Variants in MTOR observed in about 807,000 individuals in gnomAD.
MTOR encodes the protein mechanistic target of rapamycin kinase.
Under a neutral mutation model 319.8 loss-of-function variants are expected in MTOR, and 70 were observed. The observed-to-expected ratio is 0.22, with a 90% CI of 0.18 to 0.27. The LOEUF (loss-of-function observed/expected upper bound fraction) is 0.27. Among genes scored for constraint, MTOR ranks in the 10% least tolerant of loss-of-function variants. MTOR has a pLI of 1.00. For missense variants in MTOR, 1,890 were observed against 3,274.4 expected (o/e 0.58, Z 10.32); for synonymous variants, 1,183 against 1,211.4 (o/e 0.98, Z 0.49).
In MTOR at chr1:11,212,489, A is replaced by T; in HGVS notation, c.3399-15T>A. On this transcript the variant is annotated splice_polypyrimidine_tract_variant and intron_variant, in intron 22 of 57. Coordinates refer to ENST00000361445, the MANE Select transcript of MTOR (RefSeq NM_004958.4). The surrounding 1 kb of genome is among the most constrained non-coding windows in gnomAD (Gnocchi z 4.1). The stretch of plus-strand genomic sequence containing the variant: ...CTAGCGCTGCCCTACAACAATCACT[A>T]ACATACAGTAACTGCTAACATACAA... 6.2e-7 allele frequency: 1 copy of T among 1,607,386 alleles called. No individual in the cohort carries two copies. Among genetic ancestry groups the T allele is most frequent in the Non-Finnish European group, 8.5e-7 (1 of 1,177,468 alleles).
chr1:11,252,728 C>T (rs1649860486), intron 6 of MTOR, among the ~76,000 whole-genome samples: 1 of 152,110 alleles, frequency 6.6e-6, no homozygotes, highest in African/African-American at 2.4e-5. Flanking sequence ...CAGGAATCCC[C>T]GGGGTAAAAT....
chr1:11,134,482 G>C lies in MTOR; in HGVS notation c.5131-16C>G, dbSNP rs1238163914. 6.2e-7 allele frequency: 1 copy of C among 1,612,368 alleles called. No homozygotes were observed. The highest frequency in any genetic ancestry group is 1.1e-5 in the South Asian group (1 of 91,026). On this transcript the variant is annotated splice_polypyrimidine_tract_variant and intron_variant, in intron 36 of 57. Coordinates refer to ENST00000361445, the MANE Select transcript of MTOR (RefSeq NM_004958.4). ...AGGCATCGATCTGTAACAGGACAAA[G>C]GCACAGAGAGCCACTTGGCTTGTGG...
Position 11,199,161 on chromosome 1 carries a change from G to A in MTOR, c.4253+97C>T, listed in dbSNP as rs896376373. 2.2e-5 allele frequency: 33 copies of A among 1,505,064 alleles called. No homozygotes were observed. The African/African-American group carries it at 4.5e-4, about 21-fold the overall frequency. 93.2% of individuals were successfully genotyped at this position (1,505,064 alleles called of 1,614,324 possible). On this transcript the variant is annotated intron_variant, in intron 28 of 57. Coordinates refer to ENST00000361445, the MANE Select transcript of MTOR (RefSeq NM_004958.4). This position sits in a 1 kb window ranked among gnomAD's most constrained non-coding sequence, Gnocchi z 4.5. Reference sequence around the variant, plus strand: ...ACCCAGAGGCAGATTTCACAGAGCAGAAGTCTTCAAGTGACTCCAGTGAAG... The same window carrying A: ...ACCCAGAGGCAGATTTCACAGAGCAAAAGTCTTCAAGTGACTCCAGTGAAG...
intron 8 of MTOR, among the ~76,000 whole-genome samples, chr1:11,245,608 T>C (rs1370670771): frequency 2.0e-5 from 3 of 152,104 alleles, no homozygotes; most frequent in Non-Finnish European, 4.4e-5. Context: ...ATCAAGAGCA[T>C]AATTTCCTGG....
intron 29 of MTOR, among the ~76,000 whole-genome samples, chr1:11,160,106 T>C (rs1037440278): frequency 1.6e-4 from 25 of 151,794 alleles, no homozygotes; most frequent in African/African-American, 6.0e-4. Context: ...ATTTATTTAT[T>C]TATTTAATTT....
At chr1:11,189,610 T>C (rs1424362803) in intron 28 of MTOR, 1 of 1,613,338 alleles carries the variant, frequency 6.2e-7, no homozygotes. Context: ...AGCTGTGACC[T>C]GGCTCTGCAT....
At chr1:11,251,409 G>A (rs1282223963) in intron 6 of MTOR, among the ~76,000 whole-genome samples, 1 of 152,146 alleles carries the variant, frequency 6.6e-6, no homozygotes, top group South Asian at 2.1e-4. Context: ...TAATCCAGGT[G>A]AGCATACTCT....
intron 36 of MTOR, among the ~76,000 whole-genome samples, chr1:11,137,935 C>G (rs184089395): frequency 1.6e-4 from 25 of 152,322 alleles, no homozygotes; most frequent in Admixed American, 1.2e-3. Flanking sequence ...ATTAAGTAGT[C>G]AGTTTTCCTT....
chr1:11,229,067 T>C (rs1487420024), intron 18 of MTOR, 149 bp from the exon 19 acceptor site: 2 of 1,054,276 alleles, frequency 1.9e-6, no homozygotes, highest in Non-Finnish European at 2.8e-6. Flanking sequence ...GAGTTCAAGG[T>C]CTATTAGGAA....
At chr1:11,194,772 T>G in intron 28 of MTOR, 1 of 1,598,158 alleles carries the variant, frequency 6.3e-7, no homozygotes, top group Non-Finnish European at 8.5e-7. Context: ...TGGTATTCTT[T>G]CTGACCCTGG....
At chr1:11,165,704 A>C (rs929194096) in intron 29 of MTOR, among the ~76,000 whole-genome samples, 8 of 152,186 alleles carry the variant, frequency 5.3e-5, no homozygotes, top group Middle Eastern at 6.8e-3. Flanking sequence ...CATCCCCATC[A>C]AGCTACCAAT....
intron 8 of MTOR, among the ~76,000 whole-genome samples, chr1:11,244,214 C>T (rs2100926371): frequency 6.9e-6 from 1 of 145,252 alleles, no homozygotes; most frequent in African/African-American, 2.5e-5. Flanking sequence ...ATCGCTTGAA[C>T]CCGGGAGGCG....
chr1:11,177,481 C>T (rs1645026783), intron 28 of MTOR, among the ~76,000 whole-genome samples: 1 of 152,074 alleles, frequency 6.6e-6, no homozygotes, highest in African/African-American at 2.4e-5. Flanking sequence ...ACACTTGAGC[C>T]CACGAGTGTG....
intron 12 of MTOR, 78 bp downstream of exon 12, chr1:11,238,324 C>T: frequency 7.0e-7 from 1 of 1,424,394 alleles, no homozygotes; most frequent in Non-Finnish European, 9.9e-7. Flanking sequence ...CTAGAGAGGC[C>T]ATGTAATGAA....
chr1:11,238,175 G>C lies in MTOR; in HGVS notation c.2003-127C>G, dbSNP rs537017556. 117 of 988,576 alleles carry C rather than the reference G, an allele frequency of 1.2e-4. No individual in the cohort carries two copies. In the South Asian group the frequency reaches 1.7e-3, roughly 14 times the overall value. 61.2% of individuals were successfully genotyped at this position (988,576 alleles called of 1,614,324 possible). A position where few individuals can be genotyped will look rare whatever the true frequency, so the allele number is the denominator to read the frequency against. On this transcript the variant is annotated intron_variant, in intron 12 of 57. Coordinates refer to ENST00000361445, the MANE Select transcript of MTOR (RefSeq NM_004958.4). ...AGATGCTTTTTCTCATCTAACCTCT[G>C]TCATTCTTTTCTCTACTCACAAGAG...
intron 23 of MTOR, among the ~76,000 whole-genome samples, chr1:11,211,192 G>A (rs1308828766): frequency 6.6e-6 from 1 of 152,182 alleles, no homozygotes; most frequent in East Asian, 1.9e-4. Context: ...TATTAAGTCA[G>A]ATCTTATTTT....
In MTOR at chr1:11,109,425, C is replaced by T. The variant is rs1570895238; in HGVS notation, c.7448-55G>A. ...AAGAATGGGAGCAATACAACAGGTT[C>T]AATGGGTGCCCTGTTTTTCTCAAAT... On this transcript the variant is annotated intron_variant, in intron 55 of 57. Transcript: ENST00000361445. This position sits in a 1 kb window ranked among gnomAD's most constrained non-coding sequence, Gnocchi z 4.0. 2.0e-6 allele frequency: 3 copies of T among 1,498,492 alleles called. No homozygotes were observed. The East Asian group carries it at 6.8e-5, about 34-fold the overall frequency. 92.8% of individuals were successfully genotyped at this position (1,498,492 alleles called of 1,614,324 possible).
At chr1:11,173,401 C>T (rs1445440588) in intron 28 of MTOR, among the ~76,000 whole-genome samples, 1 of 152,000 alleles carries the variant, frequency 6.6e-6, no homozygotes, top group African/African-American at 2.4e-5. Context: ...CGCAATCCTC[C>T]CACCTCAGCC....
chr1:11,179,957 G>T, intron 28 of MTOR, among the ~76,000 whole-genome samples: 1 of 152,126 alleles, frequency 6.6e-6, no homozygotes, highest in Non-Finnish European at 1.5e-5. Flanking sequence ...TGTTGCCCAC[G>T]CTGGAGTGCA....
Sources: allele counts gnomAD v4.1 joint callset (sites outside exome capture counted in the v4.1 genomes callset), GRCh38; gene constraint gnomAD v4.1.1; non-coding constraint Gnocchi (gnomAD v3.1); transcripts MANE v1.5; gene names NCBI Gene and HGNC (gene_info 2026-07-23, HGNC 2026-07-21).